Variants in RABGAP1 observed in about 807,000 individuals in gnomAD.
RABGAP1 encodes the protein RAB GTPase activating protein 1.
A neutral mutation model predicts 137.6 loss-of-function variants in RABGAP1; 23 were observed. The observed-to-expected ratio is 0.17, with a 90% CI of 0.12 to 0.24. RABGAP1 has a LOEUF of 0.24. Ranked by LOEUF, RABGAP1 falls within the 10% of genes least tolerant of loss-of-function variation. The pLI, the probability that RABGAP1 is intolerant of heterozygous loss-of-function variation, is 1.00. For synonymous variants in RABGAP1, 451 were observed against 450.7 expected (o/e 1.00, Z -0.01); for missense variants, 906 against 1,275.8 (o/e 0.71, Z 4.42).
chr9:123,090,282 A>T lies in RABGAP1; in HGVS notation c.2525A>T (p.Asn842Ile), dbSNP rs1472718428. Residue 842 changes from asparagine (N) to isoleucine (I), a missense_variant, in exon 21 of 26, where the codon AAT (asparagine) becomes ATT (isoleucine). By Grantham distance (149) the Asn-to-Ile change is moderately radical. Coordinates refer to ENST00000373647, the MANE Select transcript of RABGAP1 (RefSeq NM_012197.4). Reference sequence around the variant, plus strand: ...TTTCTTTCTACCCTTCAGCGGGAGAATAGGCGTCTACAAGAAGCTAACATG... The same window carrying T: ...TTTCTTTCTACCCTTCAGCGGGAGATTAGGCGTCTACAAGAAGCTAACATG... ...EDPIERFERE[N>I]RRLQEANMRL... 1 of 1,611,434 alleles carries T rather than the reference A, an allele frequency of 6.2e-7. No individual in the cohort carries two copies. The highest frequency in any genetic ancestry group is 8.5e-7 in the Non-Finnish European group (1 of 1,178,782).
intron 2 of RABGAP1, among the ~76,000 whole-genome samples, chr9:122,958,081 C>T (rs1834631135): frequency 6.6e-6 from 1 of 152,184 alleles, no homozygotes; most frequent in Non-Finnish European, 1.5e-5. Context: ...CACCCCCTAA[C>T]TGGGAATCAG....
At chr9:122,997,957 C>T (rs1564390220) in intron 9 of RABGAP1, among the ~76,000 whole-genome samples, 1 of 152,068 alleles carries the variant, frequency 6.6e-6, no homozygotes, top group Non-Finnish European at 1.5e-5. Flanking sequence ...TGTAAACAGA[C>T]CATTCAAATA....
At chr9:123,009,806 T>TC (rs61263427) in intron 10 of RABGAP1, among the ~76,000 whole-genome samples, 16,596 of 152,084 alleles carry the variant, frequency 0.11, 2,922 homozygotes, top group African/African-American at 0.37. Context: ...CCACCCCAAC[T>TC]CCAAGTTGTA....
At chr9:122,931,674 G>A in the RABGAP1 span, among the ~76,000 whole-genome samples, 1 of 152,226 alleles carries the variant, frequency 6.6e-6, no homozygotes, top group African/African-American at 2.4e-5. Flanking sequence ...GCGGGGCGCA[G>A]ACGGAGGGCA....
At chr9:122,958,377 AAAAT>A (rs1834656940) in intron 2 of RABGAP1, among the ~76,000 whole-genome samples, 1 of 152,230 alleles carries the variant, frequency 6.6e-6, no homozygotes, top group Non-Finnish European at 1.5e-5. Flanking sequence ...AGCAAATAAG[AAAAT>A]AAATATATCA....
chr9:122,942,187 AAAAC>A (rs1427347841), intron 1 of RABGAP1, among the ~76,000 whole-genome samples: 6 of 152,362 alleles, frequency 3.9e-5, no homozygotes, highest in Middle Eastern at 3.4e-3. Context: ...ACAAAACAAA[AAAAC>A]AACGGAAGGT....
At chr9:123,081,356 C>G (rs1588391686) in intron 19 of RABGAP1, among the ~76,000 whole-genome samples, 2 of 152,148 alleles carry the variant, frequency 1.3e-5, no homozygotes, top group South Asian at 4.1e-4. Context: ...AACTGTACTT[C>G]CTGATAATCA....
intron 14 of RABGAP1, among the ~76,000 whole-genome samples, chr9:123,068,203 A>G (rs1168016086): frequency 6.6e-6 from 1 of 152,060 alleles, no homozygotes; most frequent in Non-Finnish European, 1.5e-5. Context: ...TACAAAAATT[A>G]GCTGGGCATG....
rs763453957 is a variant in RABGAP1, at chr9:123,034,815, G to A, written c.1794+14356G>A. On this transcript the variant is annotated intron_variant, in intron 13 of 25. Coordinates refer to ENST00000373647, the MANE Select transcript of RABGAP1 (RefSeq NM_012197.4). Reference sequence around the variant, plus strand: ...ACCTTTTTGTTGGGGTGAGCTGCGTGGTCCCTTCTTTATCACTCCTCCATC... The same window carrying A: ...ACCTTTTTGTTGGGGTGAGCTGCGTAGTCCCTTCTTTATCACTCCTCCATC... The A allele has an allele frequency of 3.7e-6, 6 of 1,613,904 alleles. No individual in the cohort carries two copies. In the Admixed American group the frequency reaches 8.3e-5, roughly 22 times the overall value.
chr9:123,079,224 T>TTG (rs1169244864), intron 19 of RABGAP1, among the ~76,000 whole-genome samples: 5 of 34,668 alleles, frequency 1.4e-4, no homozygotes, highest in Non-Finnish European at 1.3e-3. Flanking sequence ...TTTTTTTGTT[T>TTG]TTTTGTTTTG....
chr9:123,016,646 A>T (rs554156452), intron 12 of RABGAP1, among the ~76,000 whole-genome samples: 1 of 152,088 alleles, frequency 6.6e-6, no homozygotes, highest in African/African-American at 2.4e-5. Context: ...GGATGCCAGT[A>T]TATGCTGAAA....
At chr9:123,015,096 A>G (rs982558256) in intron 11 of RABGAP1, among the ~76,000 whole-genome samples, 6 of 152,182 alleles carry the variant, frequency 3.9e-5, no homozygotes, top group African/African-American at 1.4e-4. Flanking sequence ...AAATGTCAAC[A>G]TGCAATTGCA....
At chr9:123,023,193 G>A (rs2031751289) in intron 13 of RABGAP1, among the ~76,000 whole-genome samples, 1 of 151,884 alleles carries the variant, frequency 6.6e-6, no homozygotes, top group African/African-American at 2.4e-5. Context: ...AATTTTTTCT[G>A]TTTTGGAGAT....
Position 123,103,418 on chromosome 9 carries a change from C to A in RABGAP1, c.*205C>A. The A allele has an allele frequency of 1.6e-6, 1 of 634,972 alleles. No individual in the cohort carries two copies. Among genetic ancestry groups the A allele is most frequent in the Non-Finnish European group, 2.5e-6 (1 of 398,966 alleles). The allele number at this position is 634,972 out of a possible 1,614,324, so 39.3% of individuals were successfully genotyped here. ...CTACTGATACTAACAGGCCTGCTAG[C>A]TCAGCCGACGCTCTGGACACTCTAG... On this transcript the variant is annotated 3_prime_UTR_variant, in exon 26 of 26. Transcript: ENST00000373647.
chr9:123,095,013 TAGA>T (rs542563389), intron 21 of RABGAP1, among the ~76,000 whole-genome samples: 5 of 152,254 alleles, frequency 3.3e-5, no homozygotes, highest in Non-Finnish European at 7.4e-5. Context: ...CCAACTTAGC[TAGA>T]AGTTTATCAG....
intron 13 of RABGAP1, among the ~76,000 whole-genome samples, chr9:123,021,978 T>C (rs1564139551): frequency 6.6e-6 from 1 of 152,176 alleles, no homozygotes; most frequent in East Asian, 1.9e-4. Context: ...ATTCCAGGTA[T>C]AGAAAGATGG....
rs1032566148 is a variant in RABGAP1 at position 123,029,776 on chromosome 9, C to T, written c.1794+9317C>T. 2.4e-5 allele frequency: 14 copies of T among 576,128 alleles called. No individual in the cohort carries two copies. The East Asian group carries it at 3.5e-4, about 14-fold the overall frequency. The allele number at this position is 576,128 out of a possible 1,614,324, so 35.7% of individuals were successfully genotyped here. On this transcript the variant is annotated intron_variant, in intron 13 of 25. Coordinates refer to ENST00000373647, the MANE Select transcript of RABGAP1 (RefSeq NM_012197.4). ...CATCGTGAAGCTCGGAGAGCAGTGG[C>T]GAACACTGCAGCCTTGCTAAGATGT...
chr9:122,998,481 T>C (rs1018106578), intron 9 of RABGAP1, 116 bp from the exon 10 acceptor site: 14 of 829,276 alleles, frequency 1.7e-5, no homozygotes, highest in Non-Finnish European at 2.6e-5. Context: ...TAATTGATGG[T>C]TCACTTAAGG....
At chr9:123,045,883 A>T (rs1321141699) in intron 13 of RABGAP1, among the ~76,000 whole-genome samples, 1 of 152,170 alleles carries the variant, frequency 6.6e-6, no homozygotes, top group East Asian at 1.9e-4. Context: ...AAGTATGTAA[A>T]ATTGTACTTG....
Sources: allele counts gnomAD v4.1 joint callset (sites outside exome capture counted in the v4.1 genomes callset), GRCh38; gene constraint gnomAD v4.1.1; transcripts MANE v1.5; gene names NCBI Gene and HGNC (gene_info 2026-07-23, HGNC 2026-07-21).